The following PHTF2 variants were observed in gnomAD, a reference collection of about 807,000 sequenced individuals.
The protein encoded by PHTF2 is putative homeodomain transcription factor 2.
In PHTF2, 60 loss-of-function variants were observed where a neutral mutation model predicts 101.2. The observed-to-expected ratio is 0.59, with a 90% CI of 0.48 to 0.73. The LOEUF (loss-of-function observed/expected upper bound fraction) is 0.73. Among genes scored for constraint, PHTF2 ranks in the 30% least tolerant of loss-of-function variants. The probability of loss-of-function intolerance (pLI) is 0.00; values close to 1 mark genes in which losing one functional copy is unlikely to be tolerated. For missense variants in PHTF2, 747 were observed against 908.7 expected (o/e 0.82, Z 2.29); for synonymous variants, 311 against 307.3 (o/e 1.01, Z -0.13).
chr7:77,822,496 G>A (rs990966543), intron 1 of PHTF2, among the ~76,000 whole-genome samples: 3 of 152,184 alleles, frequency 2.0e-5, no homozygotes, highest in East Asian at 1.9e-4. Context: ...CTGGGGCAGC[G>A]CAGCTGCATG....
At chr7:77,930,249 C>T (rs1804442902) in intron 12 of PHTF2, among the ~76,000 whole-genome samples, 1 of 151,996 alleles carries the variant, frequency 6.6e-6, no homozygotes, top group Admixed American at 6.6e-5. Context: ...CCACCCTGCC[C>T]AGTCGGACTA....
In PHTF2 at chr7:77,954,612, G is replaced by GTGTGTA. The variant is rs1426693429; in HGVS notation, c.2338-245_2338-244insGTGTAT. Among the ~76,000 whole-genome samples, 576 of 90,168 alleles carry GTGTGTA rather than the reference G, an allele frequency of 6.4e-3. 9 individuals are homozygous for GTGTGTA. The highest frequency in any genetic ancestry group is 0.024 in the South Asian group (56 of 2,304). 59.2% of individuals were successfully genotyped at this position (90,168 alleles called of 152,430 possible). On this transcript the variant is annotated intron_variant, in intron 19 of 19. Coordinates refer to ENST00000416283, the Ensembl canonical transcript of PHTF2. ...GATAATCATATTAAACAAGTACTGT[G>GTGTGTA]TATATATATATATATATATATATAT...
chr7:77,893,409 A>G (rs772525809), intron 3 of PHTF2, among the ~76,000 whole-genome samples, 199 bp from the exon 3 acceptor site: 43 of 152,300 alleles, frequency 2.8e-4, no homozygotes, highest in African/African-American at 9.9e-4. Context: ...ACAAATTCCA[A>G]GGTGACGCTA....
intron 13 of PHTF2, among the ~76,000 whole-genome samples, chr7:77,939,151 C>G (rs866300804): frequency 6.6e-6 from 1 of 152,174 alleles, no homozygotes; most frequent in Admixed American, 6.5e-5. Context: ...GTCTAGCATA[C>G]TGGAAGCTTT....
chr7:77,863,488 G>A (rs968712532), intron 3 of PHTF2, among the ~76,000 whole-genome samples: 1 of 152,030 alleles, frequency 6.6e-6, no homozygotes, highest in Admixed American at 6.5e-5. Flanking sequence ...AAATTACTAG[G>A]TAGAACCTCC....
chr7:77,912,205 A>G (rs1802460290), intron 9 of PHTF2, among the ~76,000 whole-genome samples: 1 of 152,230 alleles, frequency 6.6e-6, no homozygotes, highest in African/African-American at 2.4e-5. Flanking sequence ...TGTCCATTAT[A>G]GTGGCGAACT....
In PHTF2 at chr7:77,908,967, T is replaced by C; in HGVS notation, c.611+9T>C. On this transcript the variant is annotated intron_variant, in intron 8 of 19. Coordinates refer to ENST00000416283, the Ensembl canonical transcript of PHTF2. ...GGGGGTAAAAGAAGAAGGTACTGTT[T>C]TTTAAAAAGTAATCTTTTTGTACAT... 6.4e-7 allele frequency: 1 copy of C among 1,565,932 alleles called. No individual in the cohort carries two copies. Among genetic ancestry groups the C allele is most frequent in the Non-Finnish European group, 8.7e-7 (1 of 1,150,524 alleles).
rs1416462368 is a variant in PHTF2, at chr7:77,838,531, A to G, written c.-35-1690A>G. On this transcript the variant is annotated intron_variant, in intron 1 of 19. Coordinates refer to ENST00000416283, the Ensembl canonical transcript of PHTF2. ...TAGATTGGGGAATTTTTTATATGAA[A>G]ATTGATGTTAAAAATAATTATAATT... Among the ~76,000 whole-genome samples the G allele has an allele frequency of 2.0e-5, 3 of 152,310 alleles. No individual in the cohort carries two copies. The East Asian group carries it at 5.8e-4, about 29-fold the overall frequency.
intron 1 of PHTF2, among the ~76,000 whole-genome samples, chr7:77,836,222 C>A (rs1795457413): frequency 6.6e-6 from 1 of 151,696 alleles, no homozygotes; most frequent in South Asian, 2.1e-4. Flanking sequence ...TTGTCATCTT[C>A]ACACTGAATA....
At chr7:77,880,312 A>G (rs1012249609) in intron 3 of PHTF2, among the ~76,000 whole-genome samples, 5 of 152,080 alleles carry the variant, frequency 3.3e-5, no homozygotes, top group Non-Finnish European at 5.9e-5. Flanking sequence ...AGAGGTAGAG[A>G]TTTCTCAGTA....
At chr7:77,944,565 C>T (rs1472329371) in intron 16 of PHTF2, among the ~76,000 whole-genome samples, 1 of 152,178 alleles carries the variant, frequency 6.6e-6, no homozygotes, top group Non-Finnish European at 1.5e-5. Flanking sequence ...AGAAGCAAAA[C>T]CAAGGCTGTT....
chr7:77,814,528 T>G (rs1793696087), intron 1 of PHTF2, among the ~76,000 whole-genome samples: 1 of 151,276 alleles, frequency 6.6e-6, no homozygotes. Context: ...TTTTTTTTTT[T>G]TTGAGACAGA....
chr7:77,818,749 T>C (rs777924355), intron 1 of PHTF2, among the ~76,000 whole-genome samples: 1 of 152,210 alleles, frequency 6.6e-6, no homozygotes, highest in Non-Finnish European at 1.5e-5. Flanking sequence ...TGTAGTTCCA[T>C]ATGTATTTTG....
At chr7:77,938,480 C>G (rs1805349666) in intron 13 of PHTF2, among the ~76,000 whole-genome samples, 1 of 152,164 alleles carries the variant, frequency 6.6e-6, no homozygotes, top group Non-Finnish European at 1.5e-5. Context: ...CCTGTAATCC[C>G]AGCACTTTGG....
At chr7:77,836,135 AAAAG>A (rs1795448377) in intron 1 of PHTF2, among the ~76,000 whole-genome samples, 2 of 151,848 alleles carry the variant, frequency 1.3e-5, no homozygotes, top group Admixed American at 6.6e-5. Flanking sequence ...AAAAAAAAAA[AAAAG>A]AAGAGGAAGA....
chr7:77,893,999 T>C lies in PHTF2; in HGVS notation c.216+6T>C. The C allele has an allele frequency of 6.2e-7, 1 of 1,600,576 alleles. No homozygotes were observed. The highest frequency in any genetic ancestry group is 8.6e-7 in the Non-Finnish European group (1 of 1,167,740). On this transcript the variant is annotated splice_donor_region_variant and intron_variant, in intron 5 of 19. Coordinates refer to ENST00000416283, the Ensembl canonical transcript of PHTF2. Reference sequence around the variant, plus strand: ...CTGTACAGTTTATTAAACTGGTAAGTGTTTCAGGATTTTTCCCGCCTGAGT... The same window carrying C: ...CTGTACAGTTTATTAAACTGGTAAGCGTTTCAGGATTTTTCCCGCCTGAGT...
chr7:77,861,618 G>C lies in PHTF2; in HGVS notation c.147+6784G>C, dbSNP rs138189404. On this transcript the variant is annotated intron_variant, in intron 3 of 19. Coordinates refer to ENST00000416283, the Ensembl canonical transcript of PHTF2. ...CTTATCTTGATTTGTTGTTTAATCA[G>C]TTTGCAGAATTGTAGGTAAATAGGC... 8.5e-5 allele frequency among the ~76,000 whole-genome samples: 13 copies of C among 152,270 alleles called. 1 individual carries two copies. Among genetic ancestry groups the C allele is most frequent in the African/African-American group, 2.6e-4 (11 of 41,550 alleles).
intron 3 of PHTF2, among the ~76,000 whole-genome samples, chr7:77,866,924 G>GCAAATAGGCATATACAT (rs1584531984): frequency 6.6e-6 from 1 of 152,260 alleles, no homozygotes; most frequent in East Asian, 1.9e-4. Flanking sequence ...GTAAAAGAAT[G>GCAAATAGGCATATACAT]CAAATAGGCA....
intron 6 of PHTF2, among the ~76,000 whole-genome samples, chr7:77,901,500 A>T (rs1487154370): frequency 2.0e-5 from 3 of 152,086 alleles, no homozygotes; most frequent in Non-Finnish European, 4.4e-5. Flanking sequence ...AAACAATTAA[A>T]GTGGTGATTT....
Sources: gnomAD v4.1 joint callset for allele counts (sites outside exome capture counted in the v4.1 genomes callset) on GRCh38, gnomAD v4.1.1 for gene constraint, MANE v1.5 for transcripts, NCBI Gene and HGNC (gene_info 2026-07-23, HGNC 2026-07-21) for gene names.